The following KCNN3 variants were observed in gnomAD, a reference collection of about 807,000 sequenced individuals.
The protein encoded by KCNN3 is potassium calcium-activated channel subfamily N member 3, also known as small conductance calcium-activated potassium channel protein 3.
A neutral mutation model predicts 62.9 loss-of-function variants in KCNN3; 16 were observed. The observed-to-expected ratio is 0.25, with a 90% CI of 0.17 to 0.39. KCNN3 has a LOEUF of 0.39. KCNN3 is among the 10% of genes least tolerant of loss of function. KCNN3 has a pLI of 1.00. For missense variants in KCNN3, 599 were observed against 949.4 expected, an observed-to-expected ratio of 0.63 and a Z score of 4.85; for synonymous variants, 370 against 389.2, an observed-to-expected ratio of 0.95 and a Z score of 0.58.
intron 1 of KCNN3, among the ~76,000 whole-genome samples, chr1:154,828,146 G>A (rs1216511235): frequency 2.0e-5 from 3 of 152,090 alleles, no homozygotes; most frequent in Non-Finnish European, 4.4e-5. Context: ...GTGTGCATCC[G>A]AGGGCGCAGG....
chr1:154,824,277 T>G (rs991298308), intron 1 of KCNN3, among the ~76,000 whole-genome samples: 9 of 152,356 alleles, frequency 5.9e-5, no homozygotes, highest in African/African-American at 2.2e-4. Context: ...CTCTTCATGT[T>G]CCACAGTTCC....
intron 2 of KCNN3, among the ~76,000 whole-genome samples, chr1:154,821,240 T>A (rs972557891): frequency 1.3e-5 from 2 of 152,228 alleles, no homozygotes; most frequent in Non-Finnish European, 2.9e-5. Flanking sequence ...GCTGCCCAGA[T>A]GTGAATCTAT....
intron 2 of KCNN3, among the ~76,000 whole-genome samples, chr1:154,781,676 T>C (rs969754437): frequency 5.3e-5 from 8 of 152,226 alleles, no homozygotes; most frequent in African/African-American, 1.9e-4. Context: ...GTTTGGGGTC[T>C]GGTTCAAGAG....
intron 2 of KCNN3, among the ~76,000 whole-genome samples, chr1:154,821,880 C>T (rs910271320): frequency 6.6e-6 from 1 of 152,226 alleles, no homozygotes; most frequent in African/African-American, 2.4e-5. Context: ...GACAACTTAA[C>T]AGTTATTCGA....
At chr1:154,739,605 T>C (rs1262668750) in intron 3 of KCNN3, among the ~76,000 whole-genome samples, 1 of 152,188 alleles carries the variant, frequency 6.6e-6, no homozygotes, top group Non-Finnish European at 1.5e-5. Context: ...TTCACACACT[T>C]TTGCAATCCT....
intron 3 of KCNN3, among the ~76,000 whole-genome samples, chr1:154,743,312 C>T (rs1042763679): frequency 8.5e-5 from 13 of 152,178 alleles, no homozygotes; most frequent in African/African-American, 2.2e-4. Context: ...GCCTGGGCGA[C>T]GCTTGCCTCA....
intron 3 of KCNN3, among the ~76,000 whole-genome samples, chr1:154,747,700 G>T (rs929798814): frequency 1.3e-5 from 2 of 152,162 alleles, no homozygotes; most frequent in African/African-American, 4.8e-5. Context: ...TGGAATCAAA[G>T]AAACAAGTAC....
chr1:154,737,489 C>T (rs1326491455), intron 3 of KCNN3, among the ~76,000 whole-genome samples: 1 of 151,968 alleles, frequency 6.6e-6, no homozygotes, highest in Non-Finnish European at 1.5e-5. Flanking sequence ...ACCAGGAATC[C>T]CCAGACAGTC....
chr1:154,831,504 A>T (rs1651376915), intron 1 of KCNN3, among the ~76,000 whole-genome samples: 1 of 152,234 alleles, frequency 6.6e-6, no homozygotes, highest in Non-Finnish European at 1.5e-5. Context: ...TGCGGGCCAG[A>T]AATGAGAATT....
intron 3 of KCNN3, among the ~76,000 whole-genome samples, chr1:154,743,250 G>A (rs10908430): frequency 6.6e-6 from 1 of 151,734 alleles, no homozygotes; most frequent in South Asian, 2.1e-4. Context: ...GATCAGCACC[G>A]CCCTCTCACC....
At chr1:154,828,812 G>A (rs1365634867) in intron 1 of KCNN3, among the ~76,000 whole-genome samples, 3 of 152,196 alleles carry the variant, frequency 2.0e-5, no homozygotes, top group Non-Finnish European at 4.4e-5. Flanking sequence ...TCCTCAGTCC[G>A]GAGCTGCTCA....
At chr1:154,837,019 A>G (rs1441785166) in intron 1 of KCNN3, among the ~76,000 whole-genome samples, 2 of 152,184 alleles carry the variant, frequency 1.3e-5, no homozygotes, top group Admixed American at 6.5e-5. Context: ...AACACTTCCA[A>G]TTGTGGGGAG....
In KCNN3 at chr1:154,774,185, G is replaced by GTA. The variant is rs201591185; in HGVS notation, c.1030-1794_1030-1793dup. Among the ~76,000 whole-genome samples, 1,478 of 152,330 alleles carry GTA rather than the reference G, an allele frequency of 9.7e-3. 20 individuals carry two copies. Among genetic ancestry groups the GTA allele is most frequent in the African/African-American group, 0.034 (1,400 of 41,562 alleles). Reference sequence around the variant, plus strand: ...ATGTAACTATTAGCTATTCTTATTTGTAGCATTATTAATGGATCTGGTCTC... The same window carrying GTA: ...ATGTAACTATTAGCTATTCTTATTTGTATAGCATTATTAATGGATCTGGTCTC... On this transcript the variant is annotated intron_variant, in intron 2 of 7. Transcript: ENST00000271915.
At chr1:154,829,717 G>GC (rs1372882548) in intron 1 of KCNN3, among the ~76,000 whole-genome samples, 1 of 152,152 alleles carries the variant, frequency 6.6e-6, no homozygotes, top group Non-Finnish European at 1.5e-5. Context: ...GCCCTCCTCA[G>GC]CCCCCATCCC....
intron 2 of KCNN3, among the ~76,000 whole-genome samples, chr1:154,818,645 T>TA (rs1274705445): frequency 6.6e-6 from 1 of 152,200 alleles, no homozygotes. Flanking sequence ...TGCAGCAACG[T>TA]AGCGCCGTCT....
intron 1 of KCNN3, among the ~76,000 whole-genome samples, chr1:154,854,324 T>G (rs1054836721): frequency 6.6e-6 from 1 of 152,102 alleles, no homozygotes; most frequent in African/African-American, 2.4e-5. Flanking sequence ...CCATCCAGAG[T>G]GGTCCTAACA....
intron 6 of KCNN3, among the ~76,000 whole-genome samples, chr1:154,714,274 T>TGTGTGTGGTGC (rs1700161828): frequency 8.6e-6 from 1 of 116,592 alleles, no homozygotes; most frequent in Non-Finnish European, 1.8e-5. Context: ...TGGTATGTGG[T>TGTGTGTGGTGC]GTGTGTGGTG....
intron 2 of KCNN3, among the ~76,000 whole-genome samples, chr1:154,781,772 T>C (rs1187672900): frequency 6.6e-6 from 1 of 152,202 alleles, no homozygotes; most frequent in Non-Finnish European, 1.5e-5. Context: ...CCCCATTATG[T>C]GACAGTCCTT....
chr1:154,758,292 G>A (rs1647827546), intron 3 of KCNN3, among the ~76,000 whole-genome samples: 1 of 152,204 alleles, frequency 6.6e-6, no homozygotes, highest in South Asian at 2.1e-4. Flanking sequence ...TTTCCACCCT[G>A]AGTTCAGGCA....
Sources: allele counts gnomAD v4.1 joint callset (sites outside exome capture counted in the v4.1 genomes callset), GRCh38; gene constraint gnomAD v4.1.1; transcripts MANE v1.5; gene names NCBI Gene and HGNC (gene_info 2026-07-23, HGNC 2026-07-21).